Variants in SEPTIN6 observed in about 807,000 individuals in gnomAD.
The protein encoded by SEPTIN6 is septin 6, also known as septin-6.
SEPTIN6 carries 8 observed loss-of-function variants against 33.6 expected under a neutral mutation model. That is an observed-to-expected ratio of 0.24 (90% CI 0.14 to 0.43). The LOEUF (loss-of-function observed/expected upper bound fraction) is 0.43. Ranked by LOEUF, SEPTIN6 falls within the 20% of genes least tolerant of loss-of-function variation. The pLI is 1.00. For synonymous variants in SEPTIN6, 131 were observed against 140.0 expected, an observed-to-expected ratio of 0.94 and a Z score of 0.45; for missense variants, 250 against 340.8, an observed-to-expected ratio of 0.73 and a Z score of 2.10.
chrX:119,618,096 C>T lies in SEPTIN6; in HGVS notation c.*1997G>A. ...AATCATCAAAGTTGCAAATATGAAG[C>T]CTTTCCCAAGGAGACCTGACAGGCC... On this transcript the variant is annotated 3_prime_UTR_variant, in exon 11 of 11. Coordinates refer to ENST00000394610, the MANE Select transcript of SEPTIN6 (RefSeq NM_145799.4). 2.5e-5 allele frequency: 20 copies of T among 803,690 alleles called. No homozygotes were observed. Among genetic ancestry groups the T allele is most frequent in the Non-Finnish European group, 3.0e-5 (20 of 670,443 alleles). 66.2% of individuals were successfully genotyped at this position (803,690 alleles called of 1,213,427 possible).
intron 1 of SEPTIN6, among the ~76,000 whole-genome samples, chrX:119,685,741 CA>C (rs1431806231): frequency 2.7e-5 from 3 of 111,537 alleles, no homozygotes; most frequent in Non-Finnish European, 5.7e-5. Flanking sequence ...TGATGCTGGT[CA>C]GGGGCAGAAG....
Position 119,642,618 on chromosome X carries a change from G to C in SEPTIN6, c.691-1830C>G, listed in dbSNP as rs1337443844. Among the ~76,000 whole-genome samples the C allele has an allele frequency of 3.6e-5, 4 of 111,388 alleles. No homozygotes were observed. The Admixed American group carries it at 3.8e-4, about 11-fold the overall frequency. ...CTAGTTGTGCAAGACCAGATTATCA[G>C]AGGCAATTCAATTCAGGGAAACCCA... On this transcript the variant is annotated intron_variant, in intron 5 of 10. Transcript: ENST00000394610.
intron 9 of SEPTIN6, chrX:119,628,988 C>T: frequency 5.0e-6 from 1 of 198,348 alleles, no homozygotes; most frequent in Non-Finnish European, 9.3e-6. Flanking sequence ...TAATTTTTTT[C>T]TTCCCTTCTG....
chrX:119,617,813 T>C lies in SEPTIN6; in HGVS notation c.*2280A>G, dbSNP rs1264214199. ...ACGGAGTAAGTAGGTTATATCGTCTTACTGACTAAAATGTCTCCCTTAATA... is the reference window on the plus strand; with the variant it reads ...ACGGAGTAAGTAGGTTATATCGTCTCACTGACTAAAATGTCTCCCTTAATA... On this transcript the variant is annotated 3_prime_UTR_variant, in exon 11 of 11. Transcript: ENST00000394610. 1 of 797,924 alleles carries C rather than the reference T, an allele frequency of 1.3e-6. No homozygotes were observed. Among genetic ancestry groups the C allele is most frequent in the Admixed American group, 7.7e-5 (1 of 12,972 alleles). The allele number at this position is 797,924 out of a possible 1,213,427, so 65.8% of individuals were successfully genotyped here.
intron 1 of SEPTIN6, among the ~76,000 whole-genome samples, chrX:119,681,104 C>T (rs775340457): frequency 2.7e-5 from 3 of 111,062 alleles, no homozygotes; most frequent in South Asian, 3.8e-4. Flanking sequence ...AGTATCAGTC[C>T]GCATTGTTCA....
intron 9 of SEPTIN6, among the ~76,000 whole-genome samples, chrX:119,628,303 G>T (rs759587527): frequency 4.9e-4 from 51 of 103,721 alleles, no homozygotes; most frequent in African/African-American, 1.8e-3. Flanking sequence ...TTTTTAGATG[G>T]AGTCTCGCTC....
At chrX:119,615,816 G>A (rs761799602), downstream of SEPTIN6, 13 of 157,235 alleles carry the variant, frequency 8.3e-5, no homozygotes, top group Admixed American at 5.8e-4. Context: ...TTCTCCTGGA[G>A]AATGAAAGCC....
chrX:119,639,978 T>TTG (rs2054126315), intron 6 of SEPTIN6, among the ~76,000 whole-genome samples: 1 of 106,380 alleles, frequency 9.4e-6, no homozygotes, highest in African/African-American at 3.4e-5. Context: ...TAATTTTTTT[T>TTG]TTTTTGTATT....
intron 1 of SEPTIN6, among the ~76,000 whole-genome samples, chrX:119,691,859 T>C (rs1484161038): frequency 9.0e-6 from 1 of 111,671 alleles, no homozygotes; most frequent in Non-Finnish European, 1.9e-5. Context: ...CGTCAAGTAG[T>C]ATGTGGTGTC....
intron 7 of SEPTIN6, among the ~76,000 whole-genome samples, chrX:119,636,760 T>A (rs1002878163): frequency 9.0e-6 from 1 of 111,574 alleles, no homozygotes; most frequent in Non-Finnish European, 1.9e-5. Flanking sequence ...TCAGCCTTGC[T>A]GGTCCTCTGG....
chrX:119,619,971 C>T lies in SEPTIN6; in HGVS notation c.*122G>A. 1 of 1,200,194 alleles carries T rather than the reference C, an allele frequency of 8.3e-7. No homozygotes were observed. The highest frequency in any genetic ancestry group is 2.3e-5 in the Admixed American group (1 of 43,681). On this transcript the variant is annotated 3_prime_UTR_variant, in exon 11 of 11. Transcript: ENST00000394610. ...GGGCGCGGGTTGGATTGTATGCCCC[C>T]CAGGCATGTTAAGGGGGAAATTAGA...
At chrX:119,662,783 C>T (rs941670845) in intron 3 of SEPTIN6, among the ~76,000 whole-genome samples, 9 of 112,713 alleles carry the variant, frequency 8.0e-5, no homozygotes, top group South Asian at 3.6e-4. Flanking sequence ...GTGCAATCTT[C>T]ATTAGCTTCA....
chrX:119,666,529 G>C (rs778117918), intron 2 of SEPTIN6, among the ~76,000 whole-genome samples: 2 of 111,619 alleles, frequency 1.8e-5, no homozygotes, highest in African/African-American at 6.5e-5. Flanking sequence ...GAGAGAGAGA[G>C]AAGAGATAAG....
intron 1 of SEPTIN6, among the ~76,000 whole-genome samples, chrX:119,682,702 A>T (rs927458237): frequency 9.1e-6 from 1 of 110,455 alleles, no homozygotes; most frequent in African/African-American, 3.3e-5. Flanking sequence ...GAGTCCCTTA[A>T]GCACCCGAGT....
At chrX:119,662,047 C>G (rs921906319) in intron 3 of SEPTIN6, among the ~76,000 whole-genome samples, 2 of 106,640 alleles carry the variant, frequency 1.9e-5, no homozygotes, top group South Asian at 4.6e-4. Context: ...CCCCCAACAT[C>G]TTTCCTGTCC....
At chrX:119,661,439 T>A (rs187985320) in intron 3 of SEPTIN6, among the ~76,000 whole-genome samples, 10,527 of 106,771 alleles carry the variant, frequency 0.099, 1,048 homozygotes, top group African/African-American at 0.3. Flanking sequence ...TCAAAAAAAA[T>A]AAAATAAAAT....
intron 1 of SEPTIN6, among the ~76,000 whole-genome samples, chrX:119,676,333 G>A (rs1429109890): frequency 9.1e-6 from 1 of 109,858 alleles, no homozygotes; most frequent in African/African-American, 3.3e-5. Context: ...GCATGGTGGT[G>A]GGTGCCTATA....
chrX:119,626,367 C>T (rs2053856712), intron 9 of SEPTIN6, among the ~76,000 whole-genome samples: 1 of 111,885 alleles, frequency 8.9e-6, no homozygotes, highest in Non-Finnish European at 1.9e-5. Flanking sequence ...CCTGAACAAA[C>T]CAATTCCTAA....
rs1246145477 is a variant in SEPTIN6, at chrX:119,617,908, A to G, written c.*2185T>C. The G allele has an allele frequency of 1.2e-6, 1 of 800,831 alleles. No individual in the cohort carries two copies. Among genetic ancestry groups the G allele is most frequent in the African/African-American group, 2.2e-5 (1 of 45,508 alleles). The allele number at this position is 800,831 out of a possible 1,213,427, so 66.0% of individuals were successfully genotyped here. On this transcript the variant is annotated 3_prime_UTR_variant, in exon 11 of 11. Coordinates refer to ENST00000394610, the MANE Select transcript of SEPTIN6 (RefSeq NM_145799.4). Reference sequence around the variant, plus strand: ...GGTCTAATACTTTTGAATTATTCAGAGCTTCTCAAGCCTTAACTAGTTAAT... The same window carrying G: ...GGTCTAATACTTTTGAATTATTCAGGGCTTCTCAAGCCTTAACTAGTTAAT...
Sources: allele counts gnomAD v4.1 joint callset (sites outside exome capture counted in the v4.1 genomes callset), GRCh38; gene constraint gnomAD v4.1.1; transcripts MANE v1.5; gene names NCBI Gene and HGNC (gene_info 2026-07-23, HGNC 2026-07-21).